Variants in CTSE observed in about 807,000 individuals in gnomAD.
CTSE encodes erythrocyte membrane aspartic proteinase.
Under a neutral mutation model 42.8 loss-of-function variants are expected in CTSE, and 43 were observed. That is an observed-to-expected ratio of 1.01 (90% confidence interval 0.79 to 1.30). The LOEUF (loss-of-function observed/expected upper bound fraction) is 1.30, where lower values mean the gene tolerates loss of function less well. Ranked by LOEUF, CTSE falls within the 50% of genes most tolerant of loss-of-function variation. The pLI is 0.00. For missense variants in CTSE, 532 were observed against 493.5 expected (o/e 1.08, Z -0.74); for synonymous variants, 205 against 191.5 (o/e 1.07, Z -0.58).
At chr1:206,023,615 CA>C (rs1170646050) in intron 1 of CTSE, 108 bp downstream of exon 1, 7 of 1,034,170 alleles carry the variant, frequency 6.8e-6, no homozygotes, top group Non-Finnish European at 1.1e-5. Flanking sequence ...CGCAAGCCCT[CA>C]GCTTCTCCTC....
rs782618508 is a variant in CTSE, at chr1:206,022,194, G to C, written c.299C>G (p.Ser100Cys). ...NFTVIFDTGS[S>C]NLWVPSVYCT... ...GTACACAGAGGGGACCCAGAGGTTGGAGGAGCCAGTGTCGAAGATGACAGT... is the reference window on the plus strand; with the variant it reads ...GTACACAGAGGGGACCCAGAGGTTGCAGGAGCCAGTGTCGAAGATGACAGT... Residue 100 changes from serine (S) to cysteine (C), a missense_variant, in exon 3 of 9, where the codon TCC becomes TGC. By Grantham distance (112) the Ser-to-Cys change is moderately radical. Transcript: ENST00000358184. 20 of 1,613,162 alleles carry C rather than the reference G, an allele frequency of 1.2e-5. No homozygotes were observed. Among genetic ancestry groups the C allele is most frequent in the Non-Finnish European group, 1.7e-5 (20 of 1,179,352 alleles).
chr1:206,017,738 A>G (rs1661301254), intron 4 of CTSE, among the ~76,000 whole-genome samples: 1 of 151,990 alleles, frequency 6.6e-6, no homozygotes, highest in Non-Finnish European at 1.5e-5. Context: ...CGGCCTCCCA[A>G]AGTGCTGGGA....
In CTSE at chr1:206,022,254, C is replaced by T. The variant is rs1553278563; in HGVS notation, c.239G>A (p.Gly80Asp). 11 of 1,608,824 alleles carry T rather than the reference C, an allele frequency of 6.8e-6. No homozygotes were observed. The highest frequency in any genetic ancestry group is 3.3e-5 in the Admixed American group (2 of 59,914). The change falls in exon 3 of 9, where the codon GGC becomes GAC. Residue 80 changes from glycine to aspartate, a missense_variant. Gly to Asp is a moderately conservative substitution (Grantham distance 94, BLOSUM62 -1). Transcript: ENST00000358184. The part of the protein sequence containing the change: ...LINYLDMEYF[G>D]TISIGSPPQN... The stretch of plus-strand genomic sequence containing the variant: ...TGGTGGGGAGCCAATGGAGATAGTG[C>T]CGAAGTATTCCATCTGCAAGGAAGA...
chr1:206,016,279 A>G (rs1661262319), intron 4 of CTSE, 149 bp from the exon 5 acceptor site: 1 of 704,728 alleles, frequency 1.4e-6, no homozygotes. Context: ...TGCTTGCTAT[A>G]TTCCCAAAAA....
intron 5 of CTSE, among the ~76,000 whole-genome samples, chr1:206,014,718 C>A (rs1661214460): frequency 6.6e-6 from 1 of 152,034 alleles, no homozygotes; most frequent in Non-Finnish European, 1.5e-5. Flanking sequence ...GGATTCAAAT[C>A]CAGGCCAGTC....
At chr1:206,018,244 T>G (rs1280430499) in intron 4 of CTSE, among the ~76,000 whole-genome samples, 1 of 152,100 alleles carries the variant, frequency 6.6e-6, no homozygotes, top group East Asian at 1.9e-4. Context: ...TCTCCTTTTA[T>G]TCTGTTAAAT....
chr1:206,011,885 AT>A (rs782732742), intron 8 of CTSE, among the ~76,000 whole-genome samples: 30 of 152,092 alleles, frequency 2.0e-4, no homozygotes, highest in Admixed American at 7.2e-4. Context: ...GTTAGAACAA[AT>A]ATAATCTTAT....
intron 6 of CTSE, among the ~76,000 whole-genome samples, chr1:206,013,362 G>A (rs1344363303): frequency 6.6e-6 from 1 of 151,996 alleles, no homozygotes; most frequent in Non-Finnish European, 1.5e-5. Flanking sequence ...CTCTCTTGGA[G>A]CACTGACCAC....
rs1427457205 is a variant in CTSE at position 206,023,620 on chromosome 1, TCTC to T, written c.68+101_68+103del. 7.4e-6 allele frequency: 8 copies of T among 1,086,900 alleles called. 1 individual carries two copies. The highest frequency in any genetic ancestry group is 1.1e-5 in the Non-Finnish European group (8 of 708,892). The allele number at this position is 1,086,900 out of a possible 1,614,324, so 67.3% of individuals were successfully genotyped here. A position where few individuals can be genotyped will look rare whatever the true frequency, so the allele number is the denominator to read the frequency against. ...CATGCATTGACGCAAGCCCTCAGCTTCTCCTCCTCTTCACCTCCCCATCAGCTT... is the reference window on the plus strand; with the variant it reads ...CATGCATTGACGCAAGCCCTCAGCTTCTCCTCTTCACCTCCCCATCAGCTT... On this transcript the variant is annotated intron_variant, in intron 1 of 8. Transcript: ENST00000358184.
rs574111593 is a variant in CTSE at position 206,012,728 on chromosome 1, A to G, written c.786-79T>C. On this transcript the variant is annotated intron_variant, in intron 6 of 8. Transcript: ENST00000358184. The stretch of plus-strand genomic sequence containing the variant: ...ACTCCCACTCTTTTTTGGCCTCTCA[A>G]ATGCCTGGAGCACATCAATGATTTC... 73 of 1,505,752 alleles carry G rather than the reference A, an allele frequency of 4.8e-5. No individual in the cohort carries two copies. The African/African-American group carries it at 8.0e-4, about 16-fold the overall frequency. The allele number at this position is 1,505,752 out of a possible 1,614,324, so 93.3% of individuals were successfully genotyped here.
chr1:206,014,082 G>T, intron 5 of CTSE, 188 bp from the exon 6 acceptor site: 1 of 633,466 alleles, frequency 1.6e-6, no homozygotes, highest in South Asian at 1.9e-5. Flanking sequence ...TTGACACAAG[G>T]TTAGAAACAA....
In CTSE at chr1:206,009,824, G is replaced by A. The variant is rs1661032631; in HGVS notation, c.*359C>T. 3.5e-6 allele frequency: 1 copy of A among 287,558 alleles called. No homozygotes were observed. Among genetic ancestry groups the A allele is most frequent in the African/African-American group, 2.2e-5 (1 of 45,312 alleles). 17.8% of individuals were successfully genotyped at this position (287,558 alleles called of 1,614,324 possible). On this transcript the variant is annotated 3_prime_UTR_variant, in exon 9 of 9. Transcript: ENST00000358184. ...TGTGTGGATGGGTTGTCAGGGCTGA[G>A]TGGAGTTGCAAAGGGATTTATTATA...
At chr1:206,015,114 G>A (rs771550437) in intron 5 of CTSE, among the ~76,000 whole-genome samples, 6 of 95,978 alleles carry the variant, frequency 6.3e-5, no homozygotes, top group African/African-American at 3.4e-4. Flanking sequence ...CAAAAACAAT[G>A]TGCAATTTTA....
In CTSE at chr1:206,010,327, C is replaced by T; in HGVS notation, c.1047G>A (p.Gln349=). 1 of 1,613,630 alleles carries T rather than the reference C, an allele frequency of 6.2e-7. No individual in the cohort carries two copies. The highest frequency in any genetic ancestry group is 8.5e-7 in the Non-Finnish European group (1 of 1,179,684). Residue 349 remains glutamine, a synonymous_variant, in exon 9 of 9, where the codon CAG becomes CAA. Coordinates refer to ENST00000358184, the MANE Select transcript of CTSE (RefSeq NM_001910.4). ...GTCCTTGAAAGCCACTGCTGCAGAA[C>T]TGCATTCCATCCACGAAGTCCTGTG... ...YTLLDFVDGM[Q]FCSSGFQGLD...
intron 6 of CTSE, among the ~76,000 whole-genome samples, chr1:206,013,457 G>C (rs1218804053): frequency 2.6e-5 from 4 of 152,018 alleles, no homozygotes; most frequent in Non-Finnish European, 5.9e-5. Context: ...CAATTCACCT[G>C]TGCAACCCCC....
Position 206,016,055 on chromosome 1 carries a change from C to G in CTSE, c.538G>C (p.Glu180Gln). ...TEPGQTFVDA[E>Q]FDGILGLGYP... ...CCCAGGCCCAGAATTCCATCAAACT[C>G]TGCATCCACAAAGGTCTGGCCTGGC... The change falls in exon 5 of 9, where the codon GAG becomes CAG. Residue 180 changes from glutamate to glutamine, a missense_variant. Transcript: ENST00000358184. The G allele has an allele frequency of 6.2e-7, 1 of 1,613,992 alleles. No homozygotes were observed. Among genetic ancestry groups the G allele is most frequent in the Non-Finnish European group, 8.5e-7 (1 of 1,179,922 alleles).
Position 206,009,790 on chromosome 1 carries a change from G to T in CTSE, c.*393C>A, listed in dbSNP as rs1206131543. On this transcript the variant is annotated 3_prime_UTR_variant, in exon 9 of 9. Transcript: ENST00000358184. ...AGTGGGCAGCAGTGTAGATAAACAG[G>T]CCTGGCCGTGTGTGGATGGGTTGTC... 2 of 245,112 alleles carry T rather than the reference G, an allele frequency of 8.2e-6. No homozygotes were observed. Among genetic ancestry groups the T allele is most frequent in the African/African-American group, 4.5e-5 (2 of 44,116 alleles). The allele number at this position is 245,112 out of a possible 1,614,324, so 15.2% of individuals were successfully genotyped here.
chr1:206,014,269 A>C (rs141430577), intron 5 of CTSE: 23 of 175,756 alleles, frequency 1.3e-4, no homozygotes, highest in Non-Finnish European at 2.5e-4. Flanking sequence ...TATCTTCCCC[A>C]CTATGGTTGT....
In CTSE at chr1:206,021,789, G is replaced by A. The variant is rs144216377; in HGVS notation, c.343+361C>T. Among the ~76,000 whole-genome samples, 83 of 152,044 alleles carry A rather than the reference G, an allele frequency of 5.5e-4. 1 individual carries two copies. The East Asian group carries it at 0.016, about 29-fold the overall frequency. On this transcript the variant is annotated intron_variant, in intron 3 of 8. Coordinates refer to ENST00000358184, the MANE Select transcript of CTSE (RefSeq NM_001910.4). ...AAGCAGACTATCTACACTAGAACCC[G>A]ACTCACCTCCCTGCTCAGAAATAAC...
Sources: gnomAD v4.1 joint callset for allele counts (sites outside exome capture counted in the v4.1 genomes callset) on GRCh38, gnomAD v4.1.1 for gene constraint, MANE v1.5 for transcripts, NCBI Gene and HGNC (gene_info 2026-07-23, HGNC 2026-07-21) for gene names.